Variants in FAT3 observed in about 807,000 individuals in gnomAD.
The protein encoded by FAT3 is FAT atypical cadherin 3, also known as protocadherin Fat 3.
FAT3 carries 95 observed loss-of-function variants against 310.2 expected under a neutral mutation model. That is an observed-to-expected ratio of 0.31 (90% confidence interval 0.26 to 0.36). The LOEUF is 0.36. Ranked by LOEUF, FAT3 falls within the 10% of genes least tolerant of loss-of-function variation. The pLI is 1.00. For synonymous variants in FAT3, 2,314 were observed against 2,192.9 expected (o/e 1.06, Z -1.54); for missense variants, 5,408 against 5,715.6 (o/e 0.95, Z 1.74).
In FAT3 at chr11:92,500,963, C is replaced by A. The variant is rs1257621206; in HGVS notation, c.3293-23671C>A. On this transcript the variant is annotated intron_variant, in intron 2 of 27. Transcript: ENST00000525166. Reference sequence around the variant, plus strand: ...TTTTTAATCTTTTTCAACATTAAATCTGTTAAAGAAATTTATCAGGTTACA... The same window carrying A: ...TTTTTAATCTTTTTCAACATTAAATATGTTAAAGAAATTTATCAGGTTACA... Among the ~76,000 whole-genome samples the A allele has an allele frequency of 2.0e-5, 3 of 152,124 alleles. No individual in the cohort carries two copies. In the South Asian group the frequency reaches 6.2e-4, roughly 32 times the overall value.
chr11:92,559,383 C>CTTTT (rs386374501), intron 3 of FAT3: 106 of 144,000 alleles, frequency 7.4e-4, no homozygotes, highest in South Asian at 3.7e-3. Context: ...ACTTATTTTC[C>CTTTT]TTTTTTTTTT....
At chr11:92,814,068 T>C (rs981409051) in intron 13 of FAT3, among the ~76,000 whole-genome samples, 5 of 152,214 alleles carry the variant, frequency 3.3e-5, no homozygotes, top group East Asian at 1.9e-4. Context: ...CCATTTCAAA[T>C]AGAACGTGCC....
chr11:92,620,286 A>C (rs1284839887), intron 3 of FAT3, among the ~76,000 whole-genome samples: 6 of 152,212 alleles, frequency 3.9e-5, no homozygotes, highest in Admixed American at 3.9e-4. Context: ...GTCTATCCTG[A>C]AGAATGTTCC....
intron 4 of FAT3, among the ~76,000 whole-genome samples, chr11:92,747,799 G>A (rs530795539): frequency 6.6e-6 from 1 of 152,332 alleles, no homozygotes; most frequent in East Asian, 1.9e-4. Context: ...TAGCAAGAGT[G>A]ACTTCTACTC....
chr11:92,866,715 T>C, intron 21 of FAT3, 26 bp from the exon 22 acceptor site: 1 of 1,597,888 alleles, frequency 6.3e-7, no homozygotes, highest in Non-Finnish European at 8.5e-7. Flanking sequence ...TGTTGAAAAG[T>C]GCTGCACTGT....
intron 3 of FAT3, among the ~76,000 whole-genome samples, chr11:92,662,596 C>T (rs1330812746): frequency 2.0e-5 from 3 of 152,164 alleles, no homozygotes; most frequent in Non-Finnish European, 4.4e-5. Context: ...ACATCAAAAC[C>T]TCACAATTAA....
chr11:92,361,594 G>A (rs1340148926), intron 2 of FAT3, among the ~76,000 whole-genome samples: 6 of 152,072 alleles, frequency 3.9e-5, no homozygotes, highest in Admixed American at 3.9e-4. Context: ...GCACCTTGAT[G>A]TTGGACTTCC....
intron 2 of FAT3, chr11:92,498,427 C>G (rs1195123718): frequency 5.2e-6 from 1 of 190,956 alleles, no homozygotes; most frequent in East Asian, 1.4e-4. Context: ...CAGGTCATGA[C>G]TTCCTTCAAA....
chr11:92,431,827 C>A (rs929614796), intron 2 of FAT3, among the ~76,000 whole-genome samples: 1 of 152,078 alleles, frequency 6.6e-6, no homozygotes. Flanking sequence ...GGAATTATTT[C>A]TGAGGGCTCT....
At chr11:92,296,813 C>A (rs10047507) in intron 1 of FAT3, among the ~76,000 whole-genome samples, 6,934 of 152,050 alleles carry the variant, frequency 0.046, 206 homozygotes, top group Non-Finnish European at 0.069. Flanking sequence ...TCATGGCAGT[C>A]CCTTTGCTCT....
At chr11:92,381,143 A>G (rs1401608960) in intron 2 of FAT3, among the ~76,000 whole-genome samples, 1 of 152,172 alleles carries the variant, frequency 6.6e-6, no homozygotes, top group African/African-American at 2.4e-5. Flanking sequence ...CATTTATCCA[A>G]TGACTCATTT....
At position 92,355,190 on chromosome 11, in the gene FAT3, T is replaced by C; in HGVS notation, c.3078T>C (p.Phe1026=). ...CTGTCTCTCTGTCATCTGTTTCCTT[T>C]GTTGAGGTGGAAGTGGTGGATGTCA... is the stretch of plus-strand genomic sequence containing the variant. The part of the protein sequence containing the change: ...GRPVSLSSVS[F]VEVEVVDVNE... The change falls in exon 2 of 28, where the codon TTT becomes TTC. Residue 1026 remains phenylalanine (F), a synonymous_variant. Coordinates refer to ENST00000525166, the MANE Select transcript of FAT3 (RefSeq NM_001367949.2). The C allele has an allele frequency of 6.2e-7, 1 of 1,613,814 alleles. No homozygotes were observed. Among genetic ancestry groups the C allele is most frequent in the East Asian group, 2.2e-5 (1 of 44,880 alleles).
chr11:92,825,635 A>G (rs1948082607), intron 13 of FAT3, among the ~76,000 whole-genome samples: 1 of 152,078 alleles, frequency 6.6e-6, no homozygotes, highest in African/African-American at 2.4e-5. Flanking sequence ...TGACACTGGA[A>G]AGGGGGGTTG....
intron 7 of FAT3, among the ~76,000 whole-genome samples, chr11:92,775,836 T>A (rs1946584235): frequency 6.6e-6 from 1 of 152,146 alleles, no homozygotes; most frequent in South Asian, 2.1e-4. Flanking sequence ...ATTGCCCCAT[T>A]TGGGATGATA....
rs771069151 is a variant in FAT3, at chr11:92,890,691, C to T, written c.13348C>T (p.Gln4450Ter). The change falls in exon 28 of 28, where the codon CAG (glutamine) becomes TAG (stop). Residue 4450 changes from glutamine to a stop codon, truncating the protein, a stop_gained. Transcript: ENST00000525166. LOFTEE classifies it high-confidence loss of function. ...PHEEEFLSQD[Q>*]LPPPLPEDFP... ...TGAAGAGGAGTTCTTGAGTCAGGAC[C>T]AGCTGCCTCCTCCTCTCCCGGAGGA... 2 of 1,613,614 alleles carry T rather than the reference C, an allele frequency of 1.2e-6. No individual in the cohort carries two copies. The highest frequency in any genetic ancestry group is 2.2e-5 in the East Asian group (1 of 44,862).
At chr11:92,281,157 T>C (rs1006313052) in intron 1 of FAT3, among the ~76,000 whole-genome samples, 4 of 152,078 alleles carry the variant, frequency 2.6e-5, no homozygotes, top group African/African-American at 9.7e-5. Context: ...ACCTATAATA[T>C]TAAATGACAA....
chr11:92,374,582 A>G (rs1052024121), intron 2 of FAT3, among the ~76,000 whole-genome samples: 1 of 152,232 alleles, frequency 6.6e-6, no homozygotes. Flanking sequence ...AAAACCCACT[A>G]TGAACTGTAG....
intron 3 of FAT3, among the ~76,000 whole-genome samples, chr11:92,645,757 C>G (rs191374544): frequency 2.7e-4 from 41 of 152,306 alleles, no homozygotes; most frequent in African/African-American, 9.6e-4. Context: ...TTGGATATTA[C>G]AAAAGTATTT....
intron 3 of FAT3, among the ~76,000 whole-genome samples, chr11:92,564,790 G>A (rs1265725274): frequency 6.8e-6 from 1 of 147,096 alleles, no homozygotes; most frequent in Non-Finnish European, 1.5e-5. Flanking sequence ...ATGACTACTG[G>A]GTACATAACG....
Sources: allele counts gnomAD v4.1 joint callset (sites outside exome capture counted in the v4.1 genomes callset), GRCh38; gene constraint gnomAD v4.1.1; transcripts MANE v1.5; gene names NCBI Gene and HGNC (gene_info 2026-07-23, HGNC 2026-07-21).